Variants in OR7E24 observed in about 807,000 individuals in gnomAD.
OR7E24 encodes the protein olfactory receptor family 7 subfamily E member 24.
For synonymous variants in OR7E24, 130 were observed against 157.5 expected, an observed-to-expected ratio of 0.83 and a Z score of 1.31; for missense variants, 385 against 410.3, an observed-to-expected ratio of 0.94 and a Z score of 0.53.
rs2144946180 is a variant in OR7E24, at chr19:9,251,973, G to A, written c.930G>A (p.Leu310=). The part of the protein sequence containing the change: ...TPMLNPFIYS[L]RNKDIQSALC... ...TGCTGAACCCCTTCATCTACAGCCT[G>A]AGGAACAAGGACATTCAAAGTGCCC... Residue 310 remains leucine (L), a synonymous_variant, in exon 1 of 1, where the codon CTG becomes CTA. Transcript: ENST00000456448. 1 of 1,614,180 alleles carries A rather than the reference G, an allele frequency of 6.2e-7. No homozygotes were observed. Among genetic ancestry groups the A allele is most frequent in the Non-Finnish European group, 8.5e-7 (1 of 1,180,024 alleles).
At chr19:9,239,490 A>G in the OR7E24 span, among the ~76,000 whole-genome samples, 2 of 152,000 alleles carry the variant, frequency 1.3e-5, no homozygotes, top group Non-Finnish European at 2.9e-5. Flanking sequence ...ACTTCTTGAT[A>G]ACAGCATTCT....
chr19:9,214,468 C>T, the OR7E24 span: 1 of 1,614,124 alleles, frequency 6.2e-7, no homozygotes, highest in South Asian at 1.1e-5. Context: ...CAGATGGCCA[C>T]AAACCGGTCA....
At chr19:9,247,738 C>G (rs561735429), upstream of OR7E24, among the ~76,000 whole-genome samples, 32 of 152,322 alleles carry the variant, frequency 2.1e-4, no homozygotes, top group African/African-American at 7.5e-4. Context: ...CCCTTACAAG[C>G]ATTCCTACTT....
upstream of OR7E24, among the ~76,000 whole-genome samples, chr19:9,249,547 G>A (rs1273953807): frequency 6.6e-6 from 1 of 152,162 alleles, no homozygotes; most frequent in African/African-American, 2.4e-5. Context: ...CATAAAAAAA[G>A]AGAAAAGGAT....
At chr19:9,241,703 G>T in the OR7E24 span, among the ~76,000 whole-genome samples, 1 of 152,314 alleles carries the variant, frequency 6.6e-6, no homozygotes, top group South Asian at 2.1e-4. Flanking sequence ...GGTAGAGGTT[G>T]CAGTGAGCTG....
chr19:9,223,645 T>C, the OR7E24 span, among the ~76,000 whole-genome samples: 1 of 152,108 alleles, frequency 6.6e-6, no homozygotes, highest in Admixed American at 6.5e-5. Flanking sequence ...GTCCCTGAAC[T>C]TGGCTATAAT....
the OR7E24 span, among the ~76,000 whole-genome samples, chr19:9,228,150 TC>T: frequency 6.6e-5 from 10 of 152,300 alleles, no homozygotes; most frequent in African/African-American, 2.4e-4. Context: ...GTATAAGCAT[TC>T]CTTTTTCTCC....
upstream of OR7E24, among the ~76,000 whole-genome samples, chr19:9,246,130 C>T (rs977488528): frequency 3.1e-5 from 4 of 128,410 alleles, no homozygotes; most frequent in African/African-American, 9.3e-5. Flanking sequence ...AGTGCAGTGG[C>T]GCGATCTCAG....
chr19:9,244,973 G>T (rs2066125090), upstream of OR7E24, among the ~76,000 whole-genome samples: 1 of 152,154 alleles, frequency 6.6e-6, no homozygotes, highest in African/African-American at 2.4e-5. Flanking sequence ...GGAGGCCAAG[G>T]CGGGCAGATC....
chr19:9,214,791 C>T, the OR7E24 span: 4 of 1,611,676 alleles, frequency 2.5e-6, no homozygotes, highest in African/African-American at 5.3e-5. Flanking sequence ...ATCTGAGAGT[C>T]CCAGGAGGAG....
the OR7E24 span, among the ~76,000 whole-genome samples, chr19:9,225,806 G>A: frequency 6.6e-6 from 1 of 152,204 alleles, no homozygotes; most frequent in African/African-American, 2.4e-5. Flanking sequence ...GTTCTTCAGG[G>A]CATAAGGAGT....
chr19:9,227,730 G>A, the OR7E24 span, among the ~76,000 whole-genome samples: 1 of 150,246 alleles, frequency 6.7e-6, no homozygotes, highest in African/African-American at 2.4e-5. Flanking sequence ...TAATGGGATT[G>A]CTGGGTAGAA....
At chr19:9,241,584 G>A in the OR7E24 span, among the ~76,000 whole-genome samples, 3 of 152,122 alleles carry the variant, frequency 2.0e-5, no homozygotes, top group African/African-American at 4.8e-5. Flanking sequence ...GGCCAATGTG[G>A]TGAAACCCCA....
At chr19:9,228,778 T>C in the OR7E24 span, among the ~76,000 whole-genome samples, 1 of 152,186 alleles carries the variant, frequency 6.6e-6, no homozygotes, top group East Asian at 1.9e-4. Flanking sequence ...AATGGGGAGA[T>C]GCTGGTTAAA....
rs933008585 is a variant in OR7E24, at chr19:9,251,421, A to G, written c.378A>G (p.Ala126=). ...LTQMSFFVLF[A]CMDDMLLSVM... The stretch of plus-strand genomic sequence containing the variant: ...AGATGTCTTTTTTTGTCCTTTTTGC[A>G]TGTATGGATGACATGCTCCTGAGTG... Residue 126 remains alanine (A), a synonymous_variant, in exon 1 of 1, where the codon GCA becomes GCG. Coordinates refer to ENST00000456448, the MANE Select transcript of OR7E24 (RefSeq NM_001079935.2). The G allele has an allele frequency of 1.9e-6, 3 of 1,614,034 alleles. No homozygotes were observed. Among genetic ancestry groups the G allele is most frequent in the Non-Finnish European group, 2.5e-6 (3 of 1,179,970 alleles).
At chr19:9,227,720 T>A in the OR7E24 span, among the ~76,000 whole-genome samples, 1 of 151,522 alleles carries the variant, frequency 6.6e-6, no homozygotes. Flanking sequence ...ATATACCCAG[T>A]AATGGGATTG....
the OR7E24 span, among the ~76,000 whole-genome samples, chr19:9,216,754 G>C: frequency 2.6e-5 from 4 of 152,102 alleles, no homozygotes; most frequent in South Asian, 8.3e-4. Context: ...ACCATGCCCA[G>C]CTAATTTTTC....
At chr19:9,234,389 C>G in the OR7E24 span, among the ~76,000 whole-genome samples, 1 of 152,138 alleles carries the variant, frequency 6.6e-6, no homozygotes, top group Non-Finnish European at 1.5e-5. Flanking sequence ...TTTACTGAGA[C>G]TCTTATTGTA....
At chr19:9,246,475 T>G (rs1042285753), upstream of OR7E24, among the ~76,000 whole-genome samples, 6 of 140,588 alleles carry the variant, frequency 4.3e-5, no homozygotes, top group African/African-American at 1.7e-4. Flanking sequence ...ATTGTGTGTG[T>G]GTGTGTGTGT....
Sources: gnomAD v4.1 joint callset for allele counts (sites outside exome capture counted in the v4.1 genomes callset) on GRCh38, gnomAD v4.1.1 for gene constraint, MANE v1.5 for transcripts, NCBI Gene and HGNC (gene_info 2026-07-23, HGNC 2026-07-21) for gene names.